The following MICU1 variants were observed in gnomAD, a reference collection of about 807,000 sequenced individuals.
MICU1 encodes calcium uptake protein 1, mitochondrial.
MICU1 carries 45 observed loss-of-function variants against 56.8 expected under a neutral mutation model. The ratio of observed to expected loss-of-function variants is 0.79; its 90% CI spans 0.62 to 1.02. MICU1 has a LOEUF of 1.02. MICU1 is among the 50% of genes least tolerant of loss of function. The pLI is 0.00. For synonymous variants in MICU1, 186 were observed against 195.1 expected (o/e 0.95, Z 0.39); for missense variants, 504 against 587.1 (o/e 0.86, Z 1.46).
At chr10:72,426,048 GT>G (rs1386011158) in intron 8 of MICU1, among the ~76,000 whole-genome samples, 5 of 150,988 alleles carry the variant, frequency 3.3e-5, no homozygotes, top group Admixed American at 6.6e-5. Context: ...AACTTTTTTT[GT>G]TGTTGTTGTC....
At chr10:72,543,944 G>A (rs1250794961) in intron 4 of MICU1, among the ~76,000 whole-genome samples, 2 of 151,936 alleles carry the variant, frequency 1.3e-5, no homozygotes, top group Non-Finnish European at 2.9e-5. Flanking sequence ...CCTAATTTCT[G>A]CCTCCAAAGA....
intron 5 of MICU1, among the ~76,000 whole-genome samples, chr10:72,513,239 T>C (rs901519321): frequency 6.6e-6 from 1 of 152,216 alleles, no homozygotes; most frequent in Non-Finnish European, 1.5e-5. Context: ...TTTAAAAAAT[T>C]ATAACCATCC....
chr10:72,584,197 C>T (rs61865731), intron 1 of MICU1, among the ~76,000 whole-genome samples: 3,807 of 152,258 alleles, frequency 0.025, 66 homozygotes, highest in Non-Finnish European at 0.039. Flanking sequence ...CAAGAACCTC[C>T]ATGGTTCACC....
At chr10:72,554,896 TC>T (rs1564932349) in intron 3 of MICU1, among the ~76,000 whole-genome samples, 2 of 152,122 alleles carry the variant, frequency 1.3e-5, no homozygotes, top group African/African-American at 4.8e-5. Flanking sequence ...ACACCTGTAG[TC>T]CCAGCTACTG....
At chr10:72,599,352 T>C (rs528296358) in intron 1 of MICU1, among the ~76,000 whole-genome samples, 2 of 152,220 alleles carry the variant, frequency 1.3e-5, no homozygotes, top group African/African-American at 2.4e-5. Flanking sequence ...AAATATTAAA[T>C]GTGAATTCCT....
chr10:72,467,878 G>A (rs544285945), intron 8 of MICU1: 3 of 149,340 alleles, frequency 2.0e-5, no homozygotes, highest in East Asian at 4.0e-4. Context: ...GCAATGGCAT[G>A]AGACTGGAGT....
chr10:72,460,244 C>T (rs368716646), intron 8 of MICU1, among the ~76,000 whole-genome samples: 1 of 152,152 alleles, frequency 6.6e-6, no homozygotes, highest in Non-Finnish European at 1.5e-5. Flanking sequence ...TTCCTTCCTT[C>T]TTTGCATTGG....
intron 8 of MICU1, among the ~76,000 whole-genome samples, chr10:72,450,581 G>A (rs1865264157): frequency 6.6e-6 from 1 of 152,076 alleles, no homozygotes; most frequent in South Asian, 2.1e-4. Flanking sequence ...TGGTTGCATG[G>A]CTTTCTCACT....
intron 10 of MICU1, among the ~76,000 whole-genome samples, chr10:72,399,399 C>A (rs1863374264): frequency 6.6e-6 from 1 of 152,082 alleles, no homozygotes; most frequent in South Asian, 2.1e-4. Context: ...CACCATGGCA[C>A]ATATATACCT....
chr10:72,611,831 CACA>C (rs1416547735), intron 1 of MICU1, among the ~76,000 whole-genome samples: 2 of 151,770 alleles, frequency 1.3e-5, no homozygotes, highest in African/African-American at 4.8e-5. Context: ...CCATCACTGT[CACA>C]ACGCTATCTG....
At chr10:72,423,096 G>A (rs1285827760) in intron 9 of MICU1, 138 bp downstream of exon 9, 8 of 1,145,796 alleles carry the variant, frequency 7.0e-6, no homozygotes, top group South Asian at 1.7e-5. Context: ...TTCTCCCTAC[G>A]GACCTCAGGT....
At chr10:72,459,898 A>G (rs1335388614) in intron 8 of MICU1, among the ~76,000 whole-genome samples, 1 of 152,200 alleles carries the variant, frequency 6.6e-6, no homozygotes, top group African/African-American at 2.4e-5. Flanking sequence ...GAATGGGATT[A>G]ACTGAATTCT....
intron 8 of MICU1, among the ~76,000 whole-genome samples, chr10:72,457,769 C>CA (rs1432991929): frequency 6.6e-6 from 1 of 151,786 alleles, no homozygotes; most frequent in Non-Finnish European, 1.5e-5. Flanking sequence ...ACCACCACAA[C>CA]AAAAAAACAC....
chr10:72,511,056 T>C (rs2132353980), intron 5 of MICU1, among the ~76,000 whole-genome samples: 1 of 152,348 alleles, frequency 6.6e-6, no homozygotes, highest in South Asian at 2.1e-4. Flanking sequence ...CTCTTTAGTC[T>C]CCATTAATAG....
chr10:72,594,725 C>T (rs1031590387), intron 1 of MICU1, among the ~76,000 whole-genome samples: 1 of 151,654 alleles, frequency 6.6e-6, no homozygotes, highest in African/African-American at 2.4e-5. Flanking sequence ...ATAGCAAGAC[C>T]CTGTCTCTAC....
chr10:72,405,054 G>T (rs907148379), intron 10 of MICU1, among the ~76,000 whole-genome samples: 1 of 150,078 alleles, frequency 6.7e-6, no homozygotes, highest in South Asian at 2.1e-4. Flanking sequence ...CTACAGGCAT[G>T]TGCCACCAAG....
intron 3 of MICU1, among the ~76,000 whole-genome samples, chr10:72,552,032 T>C (rs1446090819): frequency 1.3e-5 from 2 of 152,204 alleles, no homozygotes; most frequent in African/African-American, 4.8e-5. Context: ...ATTTCATAGG[T>C]TTCAAAAGCT....
intron 8 of MICU1, among the ~76,000 whole-genome samples, chr10:72,455,486 C>T (rs1310546463): frequency 6.6e-6 from 1 of 150,598 alleles, no homozygotes; most frequent in African/African-American, 2.4e-5. Flanking sequence ...TTCTATGTAT[C>T]ATGAGAACAT....
At position 72,474,258 on chromosome 10, in the gene MICU1, CAAAAAAAAA is replaced by C. The variant is rs55978543; in HGVS notation, c.933+833_933+841del. On this transcript the variant is annotated intron_variant, in intron 8 of 11. Transcript: ENST00000361114. ...CCTGGCTGATGGAGTAGGACTGTCT[CAAAAAAAAA>C]AAAAAAAAAAAAAAAAAAAAGAAGA... 1.2e-4 allele frequency among the ~76,000 whole-genome samples: 7 copies of C among 60,728 alleles called. No individual in the cohort carries two copies. In the East Asian group the frequency reaches 3.0e-3, roughly 26 times the overall value. 39.8% of individuals were successfully genotyped at this position (60,728 alleles called of 152,430 possible). A position where few individuals can be genotyped will look rare whatever the true frequency, so the allele number is the denominator to read the frequency against.
Sources: gnomAD v4.1 joint callset for allele counts (sites outside exome capture counted in the v4.1 genomes callset) on GRCh38, gnomAD v4.1.1 for gene constraint, MANE v1.5 for transcripts, NCBI Gene and HGNC (gene_info 2026-07-23, HGNC 2026-07-21) for gene names.